DLG5: variants seen among roughly 807,000 people sequenced by gnomAD.
The protein encoded by DLG5 is disks large homolog 5.
DLG5 carries 48 observed loss-of-function variants against 189.8 expected under a neutral mutation model. The ratio of observed to expected loss-of-function variants is 0.25; its 90% confidence interval spans 0.20 to 0.32. The LOEUF (loss-of-function observed/expected upper bound fraction) is 0.32, where lower values mean the gene tolerates loss of function less well. Ranked by LOEUF, DLG5 falls within the 10% of genes least tolerant of loss-of-function variation. DLG5 has a pLI of 1.00. For missense variants in DLG5, 2,160 were observed against 2,544.7 expected, an observed-to-expected ratio of 0.85 and a Z score of 3.25; for synonymous variants, 1,016 against 1,054.1, an observed-to-expected ratio of 0.96 and a Z score of 0.70.
At chr10:77,920,777 C>T (rs763904039) in intron 1 of DLG5, among the ~76,000 whole-genome samples, 17 of 152,198 alleles carry the variant, frequency 1.1e-4, no homozygotes, top group Admixed American at 2.0e-4. Context: ...GGCCTGAGGT[C>T]ATGTTCAGAC....
At chr10:77,909,040 A>G (rs1846143753) in intron 1 of DLG5, among the ~76,000 whole-genome samples, 2 of 152,362 alleles carry the variant, frequency 1.3e-5, no homozygotes, top group South Asian at 4.1e-4. Context: ...CCAGGTTGGA[A>G]TATTGTTCAT....
Position 77,792,228 on chromosome 10 carries a change from C to A in DLG5, c.*212G>T, listed in dbSNP as rs547469332. 6.7e-6 allele frequency: 4 copies of A among 595,800 alleles called. No individual in the cohort carries two copies. The highest frequency in any genetic ancestry group is 4.0e-5 in the South Asian group (2 of 49,946). 36.9% of individuals were successfully genotyped at this position (595,800 alleles called of 1,614,324 possible). A position where few individuals can be genotyped will look rare whatever the true frequency, so the allele number is the denominator to read the frequency against. ...GTTATCTGTTTTGTGTTAAAGCACACGTGTGACACGGGCAGAGTGTGTGGG... is the reference window on the plus strand; with the variant it reads ...GTTATCTGTTTTGTGTTAAAGCACAAGTGTGACACGGGCAGAGTGTGTGGG... On this transcript the variant is annotated 3_prime_UTR_variant, in exon 32 of 32. Coordinates refer to ENST00000372391, the MANE Select transcript of DLG5 (RefSeq NM_004747.4).
intron 1 of DLG5, chr10:77,912,390 C>T (rs917672078): frequency 2.6e-5 from 4 of 152,090 alleles, no homozygotes; most frequent in Admixed American, 2.0e-4. Flanking sequence ...CCTTAGGCAA[C>T]CTGGTGGTCT....
intron 20 of DLG5, among the ~76,000 whole-genome samples, chr10:77,812,956 C>T (rs1338619134): frequency 2.6e-5 from 4 of 152,356 alleles, no homozygotes; most frequent in African/African-American, 9.6e-5. Flanking sequence ...GGCGCCGGGG[C>T]AGGGGCTCGG....
At chr10:77,816,800 C>T (rs1842077250) in intron 19 of DLG5, 99 bp from the exon 20 acceptor site, 1 of 1,489,004 alleles carries the variant, frequency 6.7e-7, no homozygotes, top group East Asian at 2.3e-5. Flanking sequence ...CAGCTCTATC[C>T]CCACTGCATC....
intron 13 of DLG5, among the ~76,000 whole-genome samples, chr10:77,825,160 C>T (rs72815389): frequency 2.6e-5 from 4 of 152,198 alleles, no homozygotes; most frequent in Non-Finnish European, 4.4e-5. Flanking sequence ...CTCCAAAGGT[C>T]ACATACTATA....
At chr10:77,904,277 T>G (rs1360872749) in intron 1 of DLG5, among the ~76,000 whole-genome samples, 1 of 152,186 alleles carries the variant, frequency 6.6e-6, no homozygotes, top group East Asian at 1.9e-4. Context: ...CCACCACGAT[T>G]ATGAGACCTC....
intron 1 of DLG5, among the ~76,000 whole-genome samples, chr10:77,924,021 C>T (rs1308870622): frequency 1.3e-5 from 2 of 152,026 alleles, no homozygotes; most frequent in African/African-American, 2.4e-5. Context: ...CCCACAACCA[C>T]GCCCAGTTAA....
chr10:77,875,794 G>C (rs575594183), intron 1 of DLG5, among the ~76,000 whole-genome samples: 3 of 152,042 alleles, frequency 2.0e-5, no homozygotes, highest in African/African-American at 7.2e-5. Context: ...TCAGTTCTCA[G>C]GAGGGAAGAA....
intron 24 of DLG5, among the ~76,000 whole-genome samples, chr10:77,808,343 A>G (rs1007823118): frequency 1.3e-5 from 2 of 152,210 alleles, no homozygotes; most frequent in African/African-American, 4.8e-5. Flanking sequence ...CACAGCTCAC[A>G]GTAGCCTATA....
In DLG5 at chr10:77,926,141, C is replaced by T. The variant is rs2131887884; in HGVS notation, c.304+76G>A. On this transcript the variant is annotated intron_variant, in intron 1 of 31. Coordinates refer to ENST00000372391, the MANE Select transcript of DLG5 (RefSeq NM_004747.4). The surrounding 1 kb of genome is among the most constrained non-coding windows in gnomAD (Gnocchi z 5.2). The stretch of plus-strand genomic sequence containing the variant: ...TCGCCAGGTGGAGCGGCGGCCCCGG[C>T]GAGGTACCCTCGGCCAGCAGGAGGG... The T allele has an allele frequency of 2.3e-6, 3 of 1,283,000 alleles. No individual in the cohort carries two copies. The highest frequency in any genetic ancestry group is 3.0e-6 in the Non-Finnish European group (3 of 1,005,646). The allele number at this position is 1,283,000 out of a possible 1,614,324, so 79.5% of individuals were successfully genotyped here.
intron 2 of DLG5, among the ~76,000 whole-genome samples, chr10:77,865,340 C>A (rs1240443289): frequency 6.6e-6 from 1 of 152,128 alleles, no homozygotes; most frequent in Non-Finnish European, 1.5e-5. Context: ...CACAGGGCGT[C>A]AGTGGCAGCC....
chr10:77,826,284 T>C (rs867809382), intron 13 of DLG5, among the ~76,000 whole-genome samples: 26 of 152,272 alleles, frequency 1.7e-4, no homozygotes, highest in Middle Eastern at 3.4e-3. Flanking sequence ...CAACTTAGGC[T>C]GCTGCCACTA....
chr10:77,892,726 C>A (rs1402636687), intron 1 of DLG5, among the ~76,000 whole-genome samples: 3 of 152,216 alleles, frequency 2.0e-5, no homozygotes, highest in Non-Finnish European at 4.4e-5. Flanking sequence ...CAGGGCCAGG[C>A]AGCCAGGAGA....
intron 7 of DLG5, among the ~76,000 whole-genome samples, chr10:77,839,346 C>T (rs1213412875): frequency 6.6e-6 from 1 of 151,984 alleles, no homozygotes; most frequent in Non-Finnish European, 1.5e-5. Context: ...ACTAAAAATA[C>T]AAAAATTAGC....
intron 1 of DLG5, among the ~76,000 whole-genome samples, chr10:77,899,912 A>G (rs1431075583): frequency 2.0e-5 from 3 of 152,154 alleles, no homozygotes; most frequent in Non-Finnish European, 2.9e-5. Context: ...ACACCCAAAC[A>G]TAACAGCAAA....
At chr10:77,889,585 T>A (rs1237866654) in intron 1 of DLG5, 1 of 152,154 alleles carries the variant, frequency 6.6e-6, no homozygotes, top group Non-Finnish European at 1.5e-5. Flanking sequence ...AGCAGACAAT[T>A]AGCAAGGCGG....
At position 77,816,534 on chromosome 10, in the gene DLG5, T is replaced by A. The variant is rs1842059110; in HGVS notation, c.4025+17A>T. ...TCCACTGGTTTACCCACTCCACCGA[T>A]GACCGGCCATGCTCACCTGTCCTTT... On this transcript the variant is annotated intron_variant, in intron 20 of 31. Transcript: ENST00000372391. 6.2e-7 allele frequency: 1 copy of A among 1,613,992 alleles called. No individual in the cohort carries two copies. Among genetic ancestry groups the A allele is most frequent in the Non-Finnish European group, 8.5e-7 (1 of 1,179,932 alleles).
chr10:77,883,198 A>T (rs1170185972), intron 1 of DLG5, among the ~76,000 whole-genome samples: 1 of 152,200 alleles, frequency 6.6e-6, no homozygotes, highest in Non-Finnish European at 1.5e-5. Flanking sequence ...CTGGAAGCTG[A>T]GAGAACAGTT....
Sources: gnomAD v4.1 joint callset for allele counts (sites outside exome capture counted in the v4.1 genomes callset) on GRCh38, gnomAD v4.1.1 for gene constraint, Gnocchi (gnomAD v3.1) non-coding constraint, MANE v1.5 for transcripts, NCBI Gene and HGNC (gene_info 2026-07-23, HGNC 2026-07-21) for gene names.